RTN1: variants seen among roughly 807,000 people sequenced by gnomAD.
The protein encoded by RTN1 is reticulon-1.
Under a neutral mutation model 65.5 loss-of-function variants are expected in RTN1, and 25 were observed. That is an observed-to-expected ratio of 0.38 (90% CI 0.28 to 0.53). RTN1 has a LOEUF of 0.53. RTN1 is among the 20% of genes least tolerant of loss of function. The pLI is 0.79. For synonymous variants in RTN1, 471 were observed against 447.6 expected (o/e 1.05, Z -0.66); for missense variants, 983 against 1,025.4 (o/e 0.96, Z 0.57).
At chr14:59,646,037 GCAA>G (rs552054758) in intron 3 of RTN1, among the ~76,000 whole-genome samples, 1 of 152,246 alleles carries the variant, frequency 6.6e-6, no homozygotes, top group South Asian at 2.1e-4. Context: ...CCAGAGAATG[GCAA>G]AATCCAATCC....
intron 1 of RTN1, among the ~76,000 whole-genome samples, chr14:59,761,491 G>A (rs923022011): frequency 2.0e-5 from 3 of 152,186 alleles, no homozygotes; most frequent in African/African-American, 4.8e-5. Flanking sequence ...CTCCAGCCAC[G>A]TGGAACTGTG....
At chr14:59,777,980 C>A (rs975282448) in intron 1 of RTN1, among the ~76,000 whole-genome samples, 5 of 152,206 alleles carry the variant, frequency 3.3e-5, no homozygotes, top group South Asian at 2.1e-4. Context: ...TTGTTCCCTG[C>A]ATCCAAAGCA....
At chr14:59,635,264 A>G (rs1254458772) in intron 3 of RTN1, among the ~76,000 whole-genome samples, 2 of 152,228 alleles carry the variant, frequency 1.3e-5, no homozygotes, top group African/African-American at 4.8e-5. Context: ...TCTTCAAAGT[A>G]GCAAACGAAT....
At chr14:59,753,636 T>C (rs912558246) in intron 1 of RTN1, among the ~76,000 whole-genome samples, 4 of 152,172 alleles carry the variant, frequency 2.6e-5, no homozygotes, top group African/African-American at 9.7e-5. Flanking sequence ...GTAAATTATG[T>C]TGGAGCAGAG....
chr14:59,695,172 G>T (rs1884038251), intron 3 of RTN1, among the ~76,000 whole-genome samples: 1 of 152,114 alleles, frequency 6.6e-6, no homozygotes, highest in Non-Finnish European at 1.5e-5. Context: ...GTAGTGAGGT[G>T]GTGGGCAGGA....
intron 3 of RTN1, among the ~76,000 whole-genome samples, chr14:59,681,068 G>C (rs1346552773): frequency 6.6e-6 from 1 of 151,974 alleles, no homozygotes; most frequent in Non-Finnish European, 1.5e-5. Flanking sequence ...TATATTAATA[G>C]TATGTGTGTG....
intron 1 of RTN1, among the ~76,000 whole-genome samples, chr14:59,830,611 T>G (rs974303230): frequency 5.3e-5 from 8 of 152,210 alleles, no homozygotes; most frequent in African/African-American, 1.9e-4. Flanking sequence ...ATCAGGAGAT[T>G]ACCTCAGGTC....
At chr14:59,856,438 C>T (rs1428734845) in intron 1 of RTN1, among the ~76,000 whole-genome samples, 2 of 152,166 alleles carry the variant, frequency 1.3e-5, no homozygotes, top group Non-Finnish European at 2.9e-5. Context: ...AACTCCCACA[C>T]ATACCTGGGA....
intron 1 of RTN1, among the ~76,000 whole-genome samples, chr14:59,819,853 G>A (rs114745446): frequency 0.012 from 1,835 of 152,236 alleles, 33 homozygotes; most frequent in African/African-American, 0.041. Context: ...GCGCCAGCCA[G>A]CCGCTCCGAG....
intron 3 of RTN1, among the ~76,000 whole-genome samples, chr14:59,637,669 G>A (rs1184201429): frequency 1.4e-5 from 2 of 145,476 alleles, no homozygotes; most frequent in Admixed American, 7.0e-5. Flanking sequence ...CCAAGATCGT[G>A]CCACTGCACT....
intron 1 of RTN1, among the ~76,000 whole-genome samples, chr14:59,859,380 C>A (rs1332549857): frequency 6.6e-6 from 1 of 152,222 alleles, no homozygotes; most frequent in East Asian, 1.9e-4. Flanking sequence ...ACATGACTTG[C>A]TCCTCCTTGC....
intron 3 of RTN1, among the ~76,000 whole-genome samples, chr14:59,689,193 A>T (rs1267652138): frequency 6.6e-6 from 1 of 152,132 alleles, no homozygotes; most frequent in Non-Finnish European, 1.5e-5. Flanking sequence ...AATAGACCAG[A>T]CCAAGCAGAA....
intron 1 of RTN1, among the ~76,000 whole-genome samples, chr14:59,769,921 G>C (rs1236738434): frequency 2.0e-5 from 3 of 152,148 alleles, no homozygotes; most frequent in African/African-American, 7.2e-5. Context: ...TGGATGGATA[G>C]AATGGCAAAA....
intron 1 of RTN1, among the ~76,000 whole-genome samples, chr14:59,791,763 G>A (rs1015530340): frequency 1.3e-4 from 20 of 152,122 alleles, no homozygotes; most frequent in African/African-American, 4.6e-4. Flanking sequence ...AATTAGTACT[G>A]AGCATAATTT....
rs1250343479 is a variant in RTN1 at position 59,828,430 on chromosome 14, C to T, written c.241+41960G>A. ...TCATTTCTGGGCTGGACAAAGCCCA[C>T]CTTAAGAGGATTGTGGAGAATGCTG... On this transcript the variant is annotated intron_variant, in intron 1 of 8. Transcript: ENST00000267484. Among the ~76,000 whole-genome samples the T allele has an allele frequency of 2.0e-5, 3 of 152,212 alleles. No homozygotes were observed. In the East Asian group the frequency reaches 5.8e-4, roughly 29 times the overall value.
chr14:59,725,709 T>C (rs1007379063), intron 3 of RTN1, among the ~76,000 whole-genome samples: 2 of 152,248 alleles, frequency 1.3e-5, no homozygotes, highest in African/African-American at 4.8e-5. Flanking sequence ...TGTATCTTTT[T>C]ATTTCAGTCC....
intron 1 of RTN1, among the ~76,000 whole-genome samples, chr14:59,764,354 C>T (rs1046912580): frequency 8.0e-5 from 12 of 150,376 alleles, no homozygotes; most frequent in Non-Finnish European, 1.5e-4. Context: ...GAGTTTCGCT[C>T]TTGTTGTCCA....
At chr14:59,712,824 C>G (rs1439198261) in intron 3 of RTN1, among the ~76,000 whole-genome samples, 6 of 150,542 alleles carry the variant, frequency 4.0e-5, no homozygotes. Context: ...GGCAGGAGAA[C>G]TGCTTGAACC....
intron 3 of RTN1, among the ~76,000 whole-genome samples, chr14:59,656,412 C>T (rs557061647): frequency 2.0e-5 from 3 of 152,342 alleles, no homozygotes; most frequent in Admixed American, 2.0e-4. Context: ...TAAGATTCCT[C>T]CTCCAGGTGG....
Sources: allele counts gnomAD v4.1 joint callset (sites outside exome capture counted in the v4.1 genomes callset), GRCh38; gene constraint gnomAD v4.1.1; transcripts MANE v1.5; gene names NCBI Gene and HGNC (gene_info 2026-07-23, HGNC 2026-07-21).